Variants in KLHL3 observed in about 807,000 individuals in gnomAD.
KLHL3 encodes kelch like family member 3, also known as kelch-like protein 3.
A neutral mutation model predicts 70.5 loss-of-function variants in KLHL3; 19 were observed. That is an observed-to-expected ratio of 0.27 (90% confidence interval 0.19 to 0.40). KLHL3 has a LOEUF of 0.40. KLHL3 is among the 10% of genes least tolerant of loss of function. The pLI, the probability that KLHL3 is intolerant of heterozygous loss-of-function variation, is 1.00. For synonymous variants in KLHL3, 258 were observed against 290.3 expected, an observed-to-expected ratio of 0.89 and a Z score of 1.13; for missense variants, 512 against 771.1, an observed-to-expected ratio of 0.66 and a Z score of 3.98.
intron 2 of KLHL3, 146 bp from the exon 3 acceptor site, chr5:137,710,002 G>A (rs545448484): frequency 2.2e-5 from 15 of 668,782 alleles, no homozygotes; most frequent in Middle Eastern, 2.5e-4. Context: ...GAGTTAGGGA[G>A]GGGGGTGGAT....
Position 137,646,951 on chromosome 5 carries a change from G to C in KLHL3, c.904-6974C>G, listed in dbSNP as rs1379242213. On this transcript the variant is annotated intron_variant, in intron 8 of 14. Transcript: ENST00000309755. ...TGAACTGCAGCATACTTAGGAGTTT[G>C]GCAGGGTGCCTCAAAGTTCTGATCC... is the stretch of plus-strand genomic sequence containing the variant. Among the ~76,000 whole-genome samples, 6 of 152,166 alleles carry C rather than the reference G, an allele frequency of 3.9e-5. No homozygotes were observed. In the East Asian group the frequency reaches 1.2e-3, roughly 29 times the overall value.
intron 1 of KLHL3, among the ~76,000 whole-genome samples, chr5:137,735,209 T>C (rs1017767145): frequency 4.6e-5 from 7 of 152,016 alleles, no homozygotes; most frequent in African/African-American, 1.7e-4. Context: ...AAAATGCAAG[T>C]ACACTATGTC....
chr5:137,640,110 T>C (rs879061264), intron 8 of KLHL3, 133 bp from the exon 9 acceptor site: 1 of 711,534 alleles, frequency 1.4e-6, no homozygotes, highest in Non-Finnish European at 2.5e-6. Context: ...GCTACATACA[T>C]GGGGATGCTG....
intron 10 of KLHL3, among the ~76,000 whole-genome samples, chr5:137,637,750 G>A (rs1190753609): frequency 3.9e-5 from 6 of 152,182 alleles, no homozygotes; most frequent in Non-Finnish European, 8.8e-5. Flanking sequence ...CTTTCCCCCA[G>A]CTTCCTCTAT....
At chr5:137,733,165 G>A (rs985358510) in intron 1 of KLHL3, among the ~76,000 whole-genome samples, 1 of 152,170 alleles carries the variant, frequency 6.6e-6, no homozygotes, top group South Asian at 2.1e-4. Context: ...GATCCTAGGC[G>A]AGTCACTCAG....
chr5:137,717,116 C>T (rs191927987), intron 2 of KLHL3, among the ~76,000 whole-genome samples: 2 of 152,290 alleles, frequency 1.3e-5, no homozygotes, highest in Admixed American at 1.3e-4. Flanking sequence ...GCCTGCCTGC[C>T]CCAGGTCCAT....
At chr5:137,722,929 A>G (rs913815364) in intron 1 of KLHL3, among the ~76,000 whole-genome samples, 2 of 152,220 alleles carry the variant, frequency 1.3e-5, no homozygotes, top group African/African-American at 4.8e-5. Context: ...CCGGCCTCCC[A>G]AAGTGCTGCG....
intron 3 of KLHL3, among the ~76,000 whole-genome samples, chr5:137,703,352 C>T (rs1303034460): frequency 1.3e-5 from 2 of 152,140 alleles, no homozygotes; most frequent in African/African-American, 4.8e-5. Context: ...TCCCCCCAAC[C>T]CTCATCTAAG....
chr5:137,705,945 T>C, intron 3 of KLHL3: 1 of 900,426 alleles, frequency 1.1e-6, no homozygotes, highest in African/African-American at 1.8e-5. Flanking sequence ...GCCTCCCCAC[T>C]CAAGTTATGC....
chr5:137,695,295 C>T (rs2149919940), intron 4 of KLHL3, among the ~76,000 whole-genome samples: 1 of 152,298 alleles, frequency 6.6e-6, no homozygotes, highest in East Asian at 1.9e-4. Flanking sequence ...GGCTTTCTAC[C>T]TCTCCACACC....
intron 1 of KLHL3, among the ~76,000 whole-genome samples, chr5:137,721,529 G>T (rs1297688077): frequency 2.0e-5 from 3 of 152,214 alleles, no homozygotes; most frequent in African/African-American, 7.2e-5. Flanking sequence ...TTGGGAAACT[G>T]TAATCCCATA....
Position 137,622,104 on chromosome 5 carries a change from G to A in KLHL3, c.1758C>T (p.Ser586=). The A allele has an allele frequency of 6.2e-7, 1 of 1,614,186 alleles. No homozygotes were observed. Residue 586 remains serine, a synonymous_variant, in exon 15 of 15, where the codon TCC becomes TCT. Transcript: ENST00000309755. ...SYAGVAVIHK[S]L ...CTGGCAGTAGGAGTTTGGGTCACAA[G>A]GACTTGTGAATCACGGCAACACCTA...
intron 1 of KLHL3, among the ~76,000 whole-genome samples, chr5:137,722,309 C>T (rs755998387): frequency 6.6e-6 from 1 of 152,204 alleles, no homozygotes; most frequent in Non-Finnish European, 1.5e-5. Flanking sequence ...TCTTTTGGCT[C>T]CCTTCCCCAC....
intron 7 of KLHL3, among the ~76,000 whole-genome samples, chr5:137,658,693 G>C (rs1044693647): frequency 2.6e-5 from 4 of 152,204 alleles, no homozygotes; most frequent in Admixed American, 2.0e-4. Flanking sequence ...AGACATCTGA[G>C]AGGAGGAGTG....
chr5:137,683,323 G>A (rs1315963888), intron 5 of KLHL3, among the ~76,000 whole-genome samples: 1 of 152,126 alleles, frequency 6.6e-6, no homozygotes, highest in African/African-American at 2.4e-5. Context: ...CAGGGAACAG[G>A]TGTGAGTGCC....
At chr5:137,636,325 T>A (rs1449812134) in intron 11 of KLHL3, among the ~76,000 whole-genome samples, 1 of 152,260 alleles carries the variant, frequency 6.6e-6, no homozygotes, top group Non-Finnish European at 1.5e-5. Context: ...GCATGTGTAT[T>A]TCTGAGTGTG....
At chr5:137,710,902 A>G (rs1310629017) in intron 2 of KLHL3, among the ~76,000 whole-genome samples, 7 of 152,200 alleles carry the variant, frequency 4.6e-5, no homozygotes, top group Admixed American at 4.6e-4. Context: ...TCACACAGAA[A>G]AGGAACAGTG....
At chr5:137,701,789 G>C (rs1221609049) in intron 3 of KLHL3, among the ~76,000 whole-genome samples, 1 of 152,192 alleles carries the variant, frequency 6.6e-6, no homozygotes, top group Non-Finnish European at 1.5e-5. Flanking sequence ...CAGAAGATGA[G>C]CCCTGTAAGC....
chr5:137,701,681 T>C (rs1331141102), intron 3 of KLHL3, among the ~76,000 whole-genome samples: 1 of 152,204 alleles, frequency 6.6e-6, no homozygotes, highest in Non-Finnish European at 1.5e-5. Flanking sequence ...CATAATTCCA[T>C]GGGCTTCAGT....
Sources: allele counts gnomAD v4.1 joint callset (sites outside exome capture counted in the v4.1 genomes callset), GRCh38; gene constraint gnomAD v4.1.1; transcripts MANE v1.5; gene names NCBI Gene and HGNC (gene_info 2026-07-23, HGNC 2026-07-21).